CHD6: variants seen among roughly 807,000 people sequenced by gnomAD.
CHD6 encodes the protein chromodomain helicase DNA binding protein 6.
Under a neutral mutation model 276.9 loss-of-function variants are expected in CHD6, and 50 were observed. That is an observed-to-expected ratio of 0.18 (90% CI 0.14 to 0.23). The LOEUF (loss-of-function observed/expected upper bound fraction) is 0.23, where lower values mean the gene tolerates loss of function less well. CHD6 is among the 10% of genes least tolerant of loss of function. The pLI is 1.00. For missense variants in CHD6, 2,564 were observed against 3,365.8 expected, an observed-to-expected ratio of 0.76 and a Z score of 5.89; for synonymous variants, 1,173 against 1,229.3, an observed-to-expected ratio of 0.95 and a Z score of 0.96.
chr20:41,585,469 T>C (rs933048377), intron 1 of CHD6, among the ~76,000 whole-genome samples: 11 of 146,446 alleles, frequency 7.5e-5, no homozygotes, highest in African/African-American at 2.6e-4. Flanking sequence ...GATCGCACCA[T>C]TGCACTCCAG....
chr20:41,612,777 C>T (rs1468506179), intron 1 of CHD6, among the ~76,000 whole-genome samples: 3 of 152,164 alleles, frequency 2.0e-5, no homozygotes, highest in Non-Finnish European at 2.9e-5. Context: ...AAGGAAGGAA[C>T]AAACCAAATA....
At position 41,520,686 on chromosome 20, in the gene CHD6, G is replaced by A. The variant is rs6124355; in HGVS notation, c.555-5734C>T. Among the ~76,000 whole-genome samples, 3,552 of 128,558 alleles carry A rather than the reference G, an allele frequency of 0.028. 221 individuals are homozygous for A. The East Asian group carries it at 0.3, about 11-fold the overall frequency. 84.3% of individuals were successfully genotyped at this position (128,558 alleles called of 152,430 possible). On this transcript the variant is annotated intron_variant, in intron 3 of 36. Coordinates refer to ENST00000373233, the MANE Select transcript of CHD6 (RefSeq NM_032221.5). ...GGCCTGTTGTGGGGTCGGGGGAGGG[G>A]GGAGGGATAGCATTAGGAGATATAA...
At position 41,589,460 on chromosome 20, in the gene CHD6, T is replaced by C. The variant is rs58657463; in HGVS notation, c.-24+28880A>G. 7.4e-3 allele frequency among the ~76,000 whole-genome samples: 1,133 copies of C among 152,326 alleles called. 10 individuals are homozygous for C. Among genetic ancestry groups the C allele is most frequent in the African/African-American group, 0.026 (1,093 of 41,578 alleles). ...TTTGCAGATGACGTGATTGTATATT[T>C]AGAAAACCCCATCATCTCAGTCCAA... On this transcript the variant is annotated intron_variant, in intron 1 of 36. Transcript: ENST00000373233.
At position 41,403,977 on chromosome 20, in the gene CHD6, A is replaced by G. The variant is rs1017981463; in HGVS notation, c.*616T>C. ...GCTGCAGGTGTCTGAAAAACCACCA[A>G]GGGGGAAATTATATTACTACCGGTA... On this transcript the variant is annotated 3_prime_UTR_variant, in exon 37 of 37. Coordinates refer to ENST00000373233, the MANE Select transcript of CHD6 (RefSeq NM_032221.5). The G allele has an allele frequency of 3.2e-5, 34 of 1,054,204 alleles. No homozygotes were observed. Among genetic ancestry groups the G allele is most frequent in the Non-Finnish European group, 3.7e-5 (32 of 872,462 alleles). 65.3% of individuals were successfully genotyped at this position (1,054,204 alleles called of 1,614,324 possible).
intron 8 of CHD6, chr20:41,497,173 T>C (rs2043708038): frequency 1.9e-6 from 1 of 532,898 alleles, no homozygotes; most frequent in African/African-American, 1.9e-5. Flanking sequence ...CGTTATGAGT[T>C]GTCAGTTTAT....
intron 5 of CHD6, among the ~76,000 whole-genome samples, chr20:41,507,204 A>G (rs1601034884): frequency 6.6e-6 from 1 of 152,250 alleles, no homozygotes; most frequent in South Asian, 2.1e-4. Flanking sequence ...ATAGATAAAA[A>G]TGGTTTCTGA....
chr20:41,554,428 T>C (rs1312970537), intron 1 of CHD6, among the ~76,000 whole-genome samples: 1 of 151,838 alleles, frequency 6.6e-6, no homozygotes, highest in African/African-American at 2.4e-5. Context: ...TTCTTGGGTG[T>C]TTCTCGCAGA....
intron 3 of CHD6, 112 bp downstream of exon 3, chr20:41,532,938 T>C (rs2044724481): frequency 8.1e-7 from 1 of 1,231,110 alleles, no homozygotes; most frequent in South Asian, 1.6e-5. Flanking sequence ...ATGTGAAGCT[T>C]AGGCCCACAG....
chr20:41,498,407 A>G (rs2043739408), intron 6 of CHD6, among the ~76,000 whole-genome samples, 181 bp from the exon 7 acceptor site: 1 of 152,262 alleles, frequency 6.6e-6, no homozygotes, highest in East Asian at 1.9e-4. Flanking sequence ...GGTGGAATAC[A>G]CAGCTGCAAG....
chr20:41,421,427 G>A lies in CHD6; in HGVS notation c.5208C>T (p.Thr1736=). Residue 1736 remains threonine (T), a synonymous_variant, in exon 31 of 37, where the codon ACC becomes ACT. Coordinates refer to ENST00000373233, the MANE Select transcript of CHD6 (RefSeq NM_032221.5). Reference sequence around the variant, plus strand: ...AGTTCCCATCTTTGCTTATTGAGATGGTAATAACATCTTTTCTAGATTCAG... The same window carrying A: ...AGTTCCCATCTTTGCTTATTGAGATAGTAATAACATCTTTTCTAGATTCAG... ...TNTESRKDVI[T]ISISKDGNCQ... is the part of the protein sequence containing the mutation. The A allele has an allele frequency of 1.2e-6, 2 of 1,614,150 alleles. No homozygotes were observed. Among genetic ancestry groups the A allele is most frequent in the African/African-American group, 1.3e-5 (1 of 75,030 alleles).
chr20:41,488,954 T>C (rs984163670), intron 12 of CHD6, among the ~76,000 whole-genome samples: 2 of 152,228 alleles, frequency 1.3e-5, no homozygotes. Context: ...ATCTAAACCA[T>C]GCATAGTTTG....
rs772629049 is a variant in CHD6, at chr20:41,474,029, T to C, written c.2469-512A>G. The stretch of plus-strand genomic sequence containing the variant: ...TGAGGCAGTCCTTTTATGTCACTTC[T>C]AGCCTACCAAGTTCCTCAAAGCTTT... On this transcript the variant is annotated intron_variant, in intron 16 of 36. Transcript: ENST00000373233. Among the ~76,000 whole-genome samples the C allele has an allele frequency of 1.4e-4, 22 of 152,206 alleles. 1 individual carries two copies. Among genetic ancestry groups the C allele is most frequent in the South Asian group, 2.1e-4 (1 of 4,836 alleles).
At chr20:41,606,532 G>C (rs577385115) in intron 1 of CHD6, among the ~76,000 whole-genome samples, 2 of 151,530 alleles carry the variant, frequency 1.3e-5, no homozygotes, top group African/African-American at 2.4e-5. Flanking sequence ...AAAATTAGCT[G>C]GGTGTGGTGG....
chr20:41,413,343 T>C lies in CHD6; in HGVS notation c.7112A>G (p.Glu2371Gly). ...ACTTACTGCCCCAAAGCCAGGAACT[T>C]CTAAGGAGTAGTCAGCCTGCTGCCT... is the stretch of plus-strand genomic sequence containing the variant. ...WLRQQADYSL[E>G]VPGFGANFSD... The change falls in exon 35 of 37, where the codon GAA becomes GGA. Residue 2371 changes from glutamate to glycine, a missense_variant. Physicochemically the swap from Glu to Gly is moderately conservative, Grantham distance 98. Around this residue, in one of 7 missense-constraint regions of CHD6, gnomAD observed 1,024 missense variants for 1,047.9 expected, o/e 0.98. Coordinates refer to ENST00000373233, the MANE Select transcript of CHD6 (RefSeq NM_032221.5). 6.2e-7 allele frequency: 1 copy of C among 1,608,976 alleles called. No individual in the cohort carries two copies. The highest frequency in any genetic ancestry group is 8.5e-7 in the Non-Finnish European group (1 of 1,178,348).
At chr20:41,542,558 T>C (rs2044964574) in intron 2 of CHD6, among the ~76,000 whole-genome samples, 1 of 151,728 alleles carries the variant, frequency 6.6e-6, no homozygotes, top group Non-Finnish European at 1.5e-5. Flanking sequence ...CTGGGCATGG[T>C]GGCGGGCGCC....
At chr20:41,457,220 G>A (rs774596768) in intron 18 of CHD6, 44 bp downstream of exon 18, 8 of 1,587,806 alleles carry the variant, frequency 5.0e-6, no homozygotes, top group Admixed American at 1.7e-5. Flanking sequence ...TGGGCTGTGC[G>A]ACCAATGTTC....
At chr20:41,558,878 A>C (rs1320663851) in intron 1 of CHD6, among the ~76,000 whole-genome samples, 1 of 152,022 alleles carries the variant, frequency 6.6e-6, no homozygotes, top group Non-Finnish European at 1.5e-5. Flanking sequence ...TTACTCTCTT[A>C]TTCTAATTTC....
At chr20:41,482,965 T>C (rs1258906576) in intron 16 of CHD6, among the ~76,000 whole-genome samples, 3 of 152,190 alleles carry the variant, frequency 2.0e-5, no homozygotes, top group Non-Finnish European at 4.4e-5. Flanking sequence ...CTTTCACCAT[T>C]ATTAAGCAAC....
intron 17 of CHD6, among the ~76,000 whole-genome samples, chr20:41,464,159 C>G (rs947060981): frequency 3.3e-5 from 5 of 152,156 alleles, no homozygotes; most frequent in African/African-American, 9.7e-5. Context: ...ATATGAAATA[C>G]AGACCCTTGA....
Sources: allele counts gnomAD v4.1 joint callset (sites outside exome capture counted in the v4.1 genomes callset), GRCh38; gene constraint gnomAD v4.1.1; regional missense constraint gnomAD v4.1.1; transcripts MANE v1.5; gene names NCBI Gene and HGNC (gene_info 2026-07-23, HGNC 2026-07-21).